Variants in ZC3H6 observed in about 807,000 individuals in gnomAD.
ZC3H6 encodes zinc finger CCCH-type containing 6, also known as zinc finger CCCH domain-containing protein 6.
ZC3H6 carries 40 observed loss-of-function variants against 107.7 expected under a neutral mutation model. That is an observed-to-expected ratio of 0.37 (90% CI 0.29 to 0.48). The LOEUF (loss-of-function observed/expected upper bound fraction) is 0.48, where lower values mean the gene tolerates loss of function less well. Ranked by LOEUF, ZC3H6 falls within the 20% of genes least tolerant of loss-of-function variation. The pLI, the probability that ZC3H6 is intolerant of heterozygous loss-of-function variation, is 0.98. For synonymous variants in ZC3H6, 493 were observed against 487.9 expected (o/e 1.01, Z -0.14); for missense variants, 1,267 against 1,410.4 (o/e 0.90, Z 1.63).
chr2:112,289,234 G>A (rs1292596969), intron 1 of ZC3H6, among the ~76,000 whole-genome samples: 1 of 151,510 alleles, frequency 6.6e-6, no homozygotes, highest in Non-Finnish European at 1.5e-5. Context: ...TCGAACTCAA[G>A]TGATCTGCCC....
At chr2:112,319,412 A>G (rs1027635539) in intron 7 of ZC3H6, among the ~76,000 whole-genome samples, 1 of 152,122 alleles carries the variant, frequency 6.6e-6, no homozygotes, top group Non-Finnish European at 1.5e-5. Flanking sequence ...TTCGGAGGCC[A>G]AGGCGGGTGG....
At chr2:112,288,524 CTG>C (rs1232543201) in intron 1 of ZC3H6, among the ~76,000 whole-genome samples, 1 of 152,204 alleles carries the variant, frequency 6.6e-6, no homozygotes, top group Non-Finnish European at 1.5e-5. Context: ...GACAAGGAAA[CTG>C]AATGTTAGAG....
In ZC3H6 at chr2:112,320,595, A is replaced by G. The variant is rs1027013836; in HGVS notation, c.977-1161A>G. 3.3e-5 allele frequency among the ~76,000 whole-genome samples: 5 copies of G among 152,200 alleles called. No individual in the cohort carries two copies. In the East Asian group the frequency reaches 9.6e-4, roughly 29 times the overall value. On this transcript the variant is annotated intron_variant, in intron 7 of 11. Transcript: ENST00000409871. ...ATTTGGCAAATAATAAAAACAAATA[A>G]AATGTAATGAATTTGTCCTATTCAA...
intron 3 of ZC3H6, among the ~76,000 whole-genome samples, chr2:112,308,620 C>T (rs1334141170): frequency 4.0e-5 from 6 of 149,942 alleles, no homozygotes; most frequent in Non-Finnish European, 7.4e-5. Context: ...TTGGTAGAGA[C>T]GGTGTTTCAC....
chr2:112,329,482 A>G (rs1327467817), intron 11 of ZC3H6, among the ~76,000 whole-genome samples: 1 of 152,242 alleles, frequency 6.6e-6, no homozygotes, highest in Non-Finnish European at 1.5e-5. Context: ...AAAGAGAAGA[A>G]AAGAGATCTA....
intron 2 of ZC3H6, among the ~76,000 whole-genome samples, chr2:112,301,308 AC>A (rs1676367938): frequency 6.6e-6 from 1 of 152,182 alleles, no homozygotes; most frequent in African/African-American, 2.4e-5. Context: ...CCTTTTTATG[AC>A]AGAGTCCCAC....
At chr2:112,288,444 G>A (rs952599572) in intron 1 of ZC3H6, among the ~76,000 whole-genome samples, 4 of 152,182 alleles carry the variant, frequency 2.6e-5, no homozygotes, top group Non-Finnish European at 5.9e-5. Context: ...ACAGTGCTAG[G>A]TAATTAACTT....
At chr2:112,317,377 T>C in intron 7 of ZC3H6, 45 bp downstream of exon 7, 2 of 1,107,562 alleles carry the variant, frequency 1.8e-6, no homozygotes, top group East Asian at 5.5e-5. Flanking sequence ...GCTGGGGTTT[T>C]AAAGCATCAT....
chr2:112,292,338 G>A (rs1322305484), intron 1 of ZC3H6, among the ~76,000 whole-genome samples: 1 of 152,152 alleles, frequency 6.6e-6, no homozygotes, highest in South Asian at 2.1e-4. Flanking sequence ...TTGGCATTTG[G>A]CCTGACTGAA....
At chr2:112,290,686 TC>T (rs537756364) in intron 1 of ZC3H6, among the ~76,000 whole-genome samples, 22 of 152,300 alleles carry the variant, frequency 1.4e-4, no homozygotes, top group African/African-American at 4.8e-4. Context: ...GACATAAAAT[TC>T]TTACATACAT....
chr2:112,326,226 T>A (rs1348507686), intron 11 of ZC3H6, among the ~76,000 whole-genome samples: 1 of 152,106 alleles, frequency 6.6e-6, no homozygotes, highest in Non-Finnish European at 1.5e-5. Context: ...CCAGGTATAC[T>A]CTTTTAGTTT....
chr2:112,276,351 C>T (rs1011418443), intron 1 of ZC3H6, among the ~76,000 whole-genome samples: 3 of 151,572 alleles, frequency 2.0e-5, no homozygotes, highest in Non-Finnish European at 4.4e-5. Context: ...TGAGGTCCTG[C>T]TTCTGCCCGT....
intron 2 of ZC3H6, among the ~76,000 whole-genome samples, chr2:112,300,357 C>T (rs1004392594): frequency 2.6e-5 from 4 of 152,042 alleles, no homozygotes; most frequent in Non-Finnish European, 2.9e-5. Context: ...AGGTGCACAC[C>T]ACCACACTTG....
chr2:112,318,735 A>T lies in ZC3H6; in HGVS notation c.976+1403A>T, dbSNP rs138313986. Reference sequence around the variant, plus strand: ...GCAATATGCATTTACCCTTTGACCCAGCAATCCCACGTTTTGCAGTTTCTC... The same window carrying T: ...GCAATATGCATTTACCCTTTGACCCTGCAATCCCACGTTTTGCAGTTTCTC... On this transcript the variant is annotated intron_variant, in intron 7 of 11. Transcript: ENST00000409871. 3.6e-4 allele frequency among the ~76,000 whole-genome samples: 55 copies of T among 152,318 alleles called. No individual in the cohort carries two copies. In the East Asian group the frequency reaches 0.01, roughly 28 times the overall value.
At chr2:112,328,041 C>T (rs1263107343) in intron 11 of ZC3H6, among the ~76,000 whole-genome samples, 1 of 152,114 alleles carries the variant, frequency 6.6e-6, no homozygotes, top group Admixed American at 6.6e-5. Context: ...AGATGTGCGC[C>T]ACCATGCACA....
chr2:112,311,414 A>G (rs1460502898), intron 4 of ZC3H6, among the ~76,000 whole-genome samples: 2 of 152,212 alleles, frequency 1.3e-5, no homozygotes, highest in Non-Finnish European at 2.9e-5. Context: ...TATCTACTCA[A>G]AATTACCAGT....
At chr2:112,279,897 A>G (rs1179113015) in intron 1 of ZC3H6, among the ~76,000 whole-genome samples, 1 of 152,148 alleles carries the variant, frequency 6.6e-6, no homozygotes, top group Non-Finnish European at 1.5e-5. Flanking sequence ...TATTATCTTC[A>G]CTCTTCATTA....
intron 1 of ZC3H6, among the ~76,000 whole-genome samples, chr2:112,280,103 G>A (rs1162150588): frequency 8.1e-6 from 1 of 123,784 alleles, no homozygotes; most frequent in Non-Finnish European, 1.6e-5. Context: ...AGTTGCACTA[G>A]ATCATTTTCA....
At chr2:112,276,077 G>A (rs1573941261) in intron 1 of ZC3H6, 51 bp downstream of exon 1, 1 of 1,524,338 alleles carries the variant, frequency 6.6e-7, no homozygotes, top group African/African-American at 1.4e-5. Flanking sequence ...GAGGGGTCTG[G>A]GGCGGCGGGA....
Sources: allele counts gnomAD v4.1 joint callset (sites outside exome capture counted in the v4.1 genomes callset), GRCh38; gene constraint gnomAD v4.1.1; transcripts MANE v1.5; gene names NCBI Gene and HGNC (gene_info 2026-07-23, HGNC 2026-07-21).